The following TTF1 variants were observed in gnomAD, a reference collection of about 807,000 sequenced individuals.
The protein encoded by TTF1 is transcription termination factor, RNA polymerase I.
A neutral mutation model predicts 80.2 loss-of-function variants in TTF1; 64 were observed. That is an observed-to-expected ratio of 0.80 (90% CI 0.65 to 0.98). TTF1 has a LOEUF of 0.98. Ranked by LOEUF, TTF1 falls within the 50% of genes least tolerant of loss-of-function variation. TTF1 has a pLI of 0.00. For missense variants in TTF1, 1,023 were observed against 1,086.2 expected (o/e 0.94, Z 0.82); for synonymous variants, 372 against 382.7 (o/e 0.97, Z 0.33).
At chr9:132,394,349 G>A (rs1254281162) in intron 5 of TTF1, among the ~76,000 whole-genome samples, 5 of 151,648 alleles carry the variant, frequency 3.3e-5, no homozygotes, top group East Asian at 3.9e-4. Flanking sequence ...GCGCAATCTC[G>A]GTTCACAGCA....
intron 2 of TTF1, among the ~76,000 whole-genome samples, chr9:132,400,514 G>A (rs1849741660): frequency 1.3e-5 from 2 of 151,976 alleles, no homozygotes; most frequent in African/African-American, 4.8e-5. Context: ...GTAGAGACAG[G>A]GTTTCGCCAT....
Position 132,402,161 on chromosome 9 carries a change from T to TC in TTF1, c.660dup (p.Lys221GlufsTer8), listed in dbSNP as rs775548901. ...CGGTTACTGGACTTTTTCTTTTTTT[T>TC]CTTAGACTTGTTTTTATGAGCAGAT... On this transcript the variant is annotated frameshift_variant, in exon 2 of 11. Transcript: ENST00000334270. LOFTEE classifies it high-confidence loss of function. The TC allele has an allele frequency of 6.2e-7, 1 of 1,614,146 alleles. No individual in the cohort carries two copies. The highest frequency in any genetic ancestry group is 1.1e-5 in the South Asian group (1 of 91,078).
At chr9:132,377,118 ATG>A (rs1202540036) in intron 10 of TTF1, among the ~76,000 whole-genome samples, 1 of 152,038 alleles carries the variant, frequency 6.6e-6, no homozygotes, top group Non-Finnish European at 1.5e-5. Context: ...GCTTCTGTGT[ATG>A]TGTGTACATG....
intron 4 of TTF1, 72 bp from the exon 5 acceptor site, chr9:132,396,583 C>G (rs1849653349): frequency 1.6e-6 from 2 of 1,288,128 alleles, no homozygotes; most frequent in Non-Finnish European, 2.3e-6. Context: ...GAACCCAGAA[C>G]AGCCCTTATA....
intron 10 of TTF1, among the ~76,000 whole-genome samples, chr9:132,377,670 TG>T (rs1392151555): frequency 8.6e-6 from 1 of 115,712 alleles, no homozygotes; most frequent in Non-Finnish European, 1.8e-5. Flanking sequence ...TGAGTGCATG[TG>T]GTGTGTGAAT....
chr9:132,390,867 T>A, intron 6 of TTF1, 36 bp from the exon 7 acceptor site: 1 of 1,563,254 alleles, frequency 6.4e-7, no homozygotes, highest in African/African-American at 1.4e-5. Context: ...TAGTAGCTAG[T>A]CTATTTGCTT....
chr9:132,388,020 A>T lies in TTF1; in HGVS notation c.2312+119T>A, dbSNP rs550655783. The T allele has an allele frequency of 7.4e-5, 50 of 676,176 alleles. 1 individual carries two copies. In the South Asian group the frequency reaches 9.3e-4, roughly 13 times the overall value. 41.9% of individuals were successfully genotyped at this position (676,176 alleles called of 1,614,324 possible). On this transcript the variant is annotated intron_variant, in intron 8 of 10. Transcript: ENST00000334270. ...GGTCATATGCCCACAATACATGCGG[A>T]AAGTGCTGGAACAGGGATTTGGACC...
intron 1 of TTF1, 62 bp from the exon 2 acceptor site, chr9:132,402,890 C>G (rs1208533225): frequency 2.7e-6 from 4 of 1,465,610 alleles, no homozygotes; most frequent in Non-Finnish European, 3.6e-6. Context: ...GAGTCTCACT[C>G]TGTCGCCCAG....
intron 7 of TTF1, 128 bp from the exon 8 acceptor site, chr9:132,388,356 A>G (rs1157380256): frequency 1.9e-6 from 1 of 538,928 alleles, no homozygotes; most frequent in Non-Finnish European, 3.1e-6. Context: ...TTTTTTTTTG[A>G]GACGGGGTCT....
At chr9:132,389,754 C>T (rs1849528604) in intron 7 of TTF1, among the ~76,000 whole-genome samples, 1 of 152,126 alleles carries the variant, frequency 6.6e-6, no homozygotes, top group South Asian at 2.1e-4. Context: ...CATCCAGCTC[C>T]GCGACTCTCC....
intron 5 of TTF1, among the ~76,000 whole-genome samples, chr9:132,393,601 C>T (rs186498095): frequency 6.6e-6 from 1 of 152,180 alleles, no homozygotes; most frequent in East Asian, 1.9e-4. Context: ...TTAATAAATA[C>T]GTGGGTAAAT....
chr9:132,377,658 T>A (rs1849239859), intron 10 of TTF1, among the ~76,000 whole-genome samples: 2 of 128,038 alleles, frequency 1.6e-5, no homozygotes, highest in East Asian at 2.6e-4. Context: ...ATGTGGTGTG[T>A]GTGAGTGCAT....
chr9:132,385,464 C>T (rs1849448662), intron 9 of TTF1, among the ~76,000 whole-genome samples: 1 of 152,170 alleles, frequency 6.6e-6, no homozygotes, highest in Non-Finnish European at 1.5e-5. Flanking sequence ...GGCCTGCACA[C>T]GCACCCAGCC....
chr9:132,380,960 G>A (rs899189173), intron 9 of TTF1, among the ~76,000 whole-genome samples: 54 of 152,006 alleles, frequency 3.6e-4, no homozygotes, highest in African/African-American at 1.1e-3. Flanking sequence ...CACCCAGGCT[G>A]GAATGCAGTG....
chr9:132,384,113 T>A lies in TTF1; in HGVS notation c.2378+2443A>T, dbSNP rs7018897. On this transcript the variant is annotated intron_variant, in intron 9 of 10. Coordinates refer to ENST00000334270, the MANE Select transcript of TTF1 (RefSeq NM_007344.4). This position sits in a 1 kb window ranked among gnomAD's most constrained non-coding sequence, Gnocchi z 4.1. ...AGTAATTGGAGGGAGTGAATGTAGA[T>A]GTTTAATAAGGACGGCTGGATTTTG... 6.6e-6 allele frequency among the ~76,000 whole-genome samples: 1 copy of A among 152,158 alleles called. No homozygotes were observed. The highest frequency in any genetic ancestry group is 1.9e-4 in the East Asian group (1 of 5,198).
At chr9:132,390,127 G>C (rs12339573) in intron 7 of TTF1, among the ~76,000 whole-genome samples, 1 of 152,198 alleles carries the variant, frequency 6.6e-6, no homozygotes, top group African/African-American at 2.4e-5. Flanking sequence ...TGGTGGCTGT[G>C]AGCCACCACA....
At chr9:132,386,817 T>C (rs1348804213) in intron 8 of TTF1, among the ~76,000 whole-genome samples, 196 bp from the exon 9 acceptor site, 1 of 152,182 alleles carries the variant, frequency 6.6e-6, no homozygotes, top group Non-Finnish European at 1.5e-5. Flanking sequence ...GCTACAGAGA[T>C]GGGCTGAAAA....
intron 9 of TTF1, among the ~76,000 whole-genome samples, chr9:132,381,145 T>A (rs921968990): frequency 6.6e-6 from 1 of 152,206 alleles, no homozygotes; most frequent in Non-Finnish European, 1.5e-5. Flanking sequence ...TTAAAAATCA[T>A]GTGATCTGAA....
Position 132,402,126 on chromosome 9 carries a change from C to T in TTF1, c.696G>A (p.Glu232=), listed in dbSNP as rs770122390. 9 of 1,614,116 alleles carry T rather than the reference C, an allele frequency of 5.6e-6. No individual in the cohort carries two copies. In the Admixed American group the frequency reaches 1.5e-4, roughly 27 times the overall value. The change falls in exon 2 of 11, where the codon GAG becomes GAA. Residue 232 remains glutamate (E), a synonymous_variant. Coordinates refer to ENST00000334270, the MANE Select transcript of TTF1 (RefSeq NM_007344.4). The part of the protein sequence containing the change: ...KKKKSSNREY[E]TLAMPEGSQA... ...GCGATCCTTCAGGCATGGCCAGTGT[C>T]TCATATTCCCGGTTACTGGACTTTT...
Sources: allele counts gnomAD v4.1 joint callset (sites outside exome capture counted in the v4.1 genomes callset), GRCh38; gene constraint gnomAD v4.1.1; non-coding constraint Gnocchi (gnomAD v3.1); transcripts MANE v1.5; gene names NCBI Gene and HGNC (gene_info 2026-07-23, HGNC 2026-07-21).